Variants in ABCC8 observed in about 807,000 individuals in gnomAD.
ABCC8 encodes ATP-binding cassette sub-family C member 8.
In ABCC8, 137 loss-of-function variants were observed where a neutral mutation model predicts 188.0. That is an observed-to-expected ratio of 0.73 (90% confidence interval 0.63 to 0.84). The LOEUF (loss-of-function observed/expected upper bound fraction) is 0.84, where lower values mean the gene tolerates loss of function less well. ABCC8 is among the 40% of genes least tolerant of loss of function. The probability of loss-of-function intolerance (pLI) is 0.00; values close to 1 mark genes in which losing one functional copy is unlikely to be tolerated. For synonymous variants in ABCC8, 797 were observed against 846.5 expected (o/e 0.94, Z 1.01); for missense variants, 1,750 against 2,072.7 (o/e 0.84, Z 3.02).
chr11:17,472,185 A>G (rs1848517857), intron 2 of ABCC8, among the ~76,000 whole-genome samples: 1 of 152,248 alleles, frequency 6.6e-6, no homozygotes, highest in Non-Finnish European at 1.5e-5. Flanking sequence ...ATTGAACTAA[A>G]TATTTCATGA....
intron 2 of ABCC8, 21 bp from the exon 3 acceptor site, chr11:17,470,243 A>C: frequency 6.2e-7 from 1 of 1,614,004 alleles, no homozygotes; most frequent in Non-Finnish European, 8.5e-7. Flanking sequence ...AGAGAGAAAC[A>C]GACAGGATGG....
chr11:17,462,887 GTATT>G (rs1847912178), intron 4 of ABCC8, among the ~76,000 whole-genome samples: 1 of 151,992 alleles, frequency 6.6e-6, no homozygotes, highest in Non-Finnish European at 1.5e-5. Flanking sequence ...ACCTGAATAG[GTATT>G]TATTTAGACA....
chr11:17,407,181 G>T, intron 24 of ABCC8, 52 bp from the exon 25 acceptor site: 1 of 1,598,928 alleles, frequency 6.3e-7, no homozygotes, highest in South Asian at 1.1e-5. Context: ...TCCCTCTGAG[G>T]GTGAATCAGG....
intron 33 of ABCC8, 49 bp downstream of exon 33, chr11:17,396,867 C>T (rs1671881455): frequency 1.2e-6 from 2 of 1,608,218 alleles, no homozygotes; most frequent in African/African-American, 1.3e-5. Flanking sequence ...CATGCCCCAT[C>T]CCCTGCTCAC....
chr11:17,433,824 G>A (rs4148617), intron 10 of ABCC8, among the ~76,000 whole-genome samples: 48,854 of 152,090 alleles, frequency 0.32, 9,578 homozygotes, highest in African/African-American at 0.56. Context: ...TTCTCTGCCC[G>A]TGAGGCTTTT....
At chr11:17,475,086 C>A (rs878963656) in intron 1 of ABCC8, 59 bp from the exon 2 acceptor site, 4 of 1,605,870 alleles carry the variant, frequency 2.5e-6, no homozygotes, top group African/African-American at 1.3e-5. Context: ...GAAGAGGGTG[C>A]ATGAACCCCA....
At chr11:17,434,332 G>A (rs937201901) in intron 10 of ABCC8, among the ~76,000 whole-genome samples, 8 of 152,340 alleles carry the variant, frequency 5.3e-5, no homozygotes, top group Admixed American at 2.6e-4. Context: ...TTGCTACAAC[G>A]CTCTTGGAAA....
At chr11:17,470,040 A>G (rs1315640007) in intron 3 of ABCC8, 61 bp downstream of exon 3, 6 of 1,592,552 alleles carry the variant, frequency 3.8e-6, no homozygotes, top group African/African-American at 1.3e-5. Context: ...ATGAGTCCTC[A>G]GTAAACATTA....
In ABCC8 at chr11:17,393,211, G is replaced by A. The variant is rs1446247131; in HGVS notation, c.4609-83C>T. On this transcript the variant is annotated intron_variant, in intron 38 of 38. Transcript: ENST00000389817. ...CCACAGCTGAGGGTGGCCCTCCTGC[G>A]GCTTGGAGGAGGAGGATGAGGCATG... 10 of 1,569,986 alleles carry A rather than the reference G, an allele frequency of 6.4e-6. No homozygotes were observed. In the South Asian group the frequency reaches 6.8e-5, roughly 11 times the overall value.
chr11:17,396,083 T>A, intron 33 of ABCC8, 153 bp from the exon 34 acceptor site: 1 of 1,483,988 alleles, frequency 6.7e-7, no homozygotes, highest in East Asian at 2.5e-5. Context: ...CACCACAGGT[T>A]TGGGCTTGTT....
chr11:17,431,424 C>A (rs989408692), intron 11 of ABCC8, among the ~76,000 whole-genome samples: 1 of 152,258 alleles, frequency 6.6e-6, no homozygotes, highest in Non-Finnish European at 1.5e-5. Context: ...CAGGAACCAG[C>A]TCAATACATC....
chr11:17,450,312 T>TC (rs1956738719), intron 7 of ABCC8, among the ~76,000 whole-genome samples: 5 of 126,492 alleles, frequency 4.0e-5, no homozygotes, highest in African/African-American at 1.7e-4. Flanking sequence ...CTTTCTTTCT[T>TC]TCTTTCTTTC....
chr11:17,443,537 G>C (rs1236329129), intron 8 of ABCC8: 1 of 584,364 alleles, frequency 1.7e-6, no homozygotes, highest in Non-Finnish European at 3.0e-6. Flanking sequence ...TTGCTGGGCT[G>C]GTAACTAACT....
At chr11:17,449,848 A>C (rs1309277557) in intron 7 of ABCC8, among the ~76,000 whole-genome samples, 1 of 152,230 alleles carries the variant, frequency 6.6e-6, no homozygotes, top group Admixed American at 6.5e-5. Flanking sequence ...GGTTTAAAAT[A>C]ATGAACCTAT....
chr11:17,401,615 C>T (rs138585720), intron 29 of ABCC8, among the ~76,000 whole-genome samples: 547 of 152,270 alleles, frequency 3.6e-3, no homozygotes, highest in Admixed American at 7.9e-3. Context: ...TGTCATACTT[C>T]GTGCAGCTGT....
Position 17,406,659 on chromosome 11 carries a change from G to A in ABCC8, c.3292C>T (p.Arg1098Cys), listed in dbSNP as rs150368331. 9.9e-6 allele frequency: 16 copies of A among 1,614,038 alleles called. No homozygotes were observed. Among genetic ancestry groups the A allele is most frequent in the East Asian group, 4.5e-5 (2 of 44,892 alleles). ...AGGATGATCCGGTTTAGCAGGCTGC[G>A]GTGCAGTCTCTTGGCCACCTTCAGC... is the stretch of plus-strand genomic sequence containing the variant. ...TGLKVAKRLH[R>C]SLLNRIILAP... The change falls in exon 26 of 39, where the codon CGC becomes TGC. Residue 1098 changes from arginine (R) to cysteine (C), a missense_variant. Physicochemically the swap from Arg to Cys is radical, Grantham distance 180. Transcript: ENST00000389817.
intron 3 of ABCC8, among the ~76,000 whole-genome samples, chr11:17,466,914 C>T (rs1440453974): frequency 6.6e-6 from 1 of 152,158 alleles, no homozygotes; most frequent in Admixed American, 6.5e-5. Context: ...AATTCACCTG[C>T]CTTGGCCTGC....
intron 12 of ABCC8, 168 bp downstream of exon 12, chr11:17,430,646 C>T: frequency 1.2e-6 from 1 of 809,796 alleles, no homozygotes; most frequent in East Asian, 2.5e-5. Context: ...AGCTGGGAAA[C>T]CATACAGGCC....
chr11:17,411,353 C>T (rs926574179), intron 21 of ABCC8, among the ~76,000 whole-genome samples: 2 of 152,230 alleles, frequency 1.3e-5, no homozygotes, highest in African/African-American at 4.8e-5. Context: ...TAAACGTTTA[C>T]TGAAATAAAA....
Sources: gnomAD v4.1 joint callset for allele counts (sites outside exome capture counted in the v4.1 genomes callset) on GRCh38, gnomAD v4.1.1 for gene constraint, MANE v1.5 for transcripts, NCBI Gene and HGNC (gene_info 2026-07-23, HGNC 2026-07-21) for gene names.